The following KCND2 variants were observed in gnomAD, a reference collection of about 807,000 sequenced individuals.
KCND2 encodes potassium voltage-gated channel subfamily D member 2.
In KCND2, 16 loss-of-function variants were observed where a neutral mutation model predicts 54.4. The observed-to-expected ratio is 0.29, with a 90% CI of 0.20 to 0.45. The LOEUF (loss-of-function observed/expected upper bound fraction) is 0.45, where lower values mean the gene tolerates loss of function less well. KCND2 is among the 20% of genes least tolerant of loss of function. The pLI, the probability that KCND2 is intolerant of heterozygous loss-of-function variation, is 1.00. For missense variants in KCND2, 486 were observed against 824.2 expected, an observed-to-expected ratio of 0.59 and a Z score of 5.02; for synonymous variants, 317 against 310.7, an observed-to-expected ratio of 1.02 and a Z score of -0.21.
At chr7:120,684,070 A>G in intron 1 of KCND2, among the ~76,000 whole-genome samples, 1 of 152,076 alleles carries the variant, frequency 6.6e-6, no homozygotes, top group East Asian at 1.9e-4. Flanking sequence ...AAATAGTTGT[A>G]ATAAGAAAAT....
At chr7:120,648,290 A>C (rs977682378) in intron 1 of KCND2, among the ~76,000 whole-genome samples, 1 of 152,196 alleles carries the variant, frequency 6.6e-6, no homozygotes, top group African/African-American at 2.4e-5. Flanking sequence ...GCAGGTCAAA[A>C]AAAGGAGAGA....
chr7:120,390,978 G>A (rs1801067123), intron 1 of KCND2, among the ~76,000 whole-genome samples: 2 of 151,956 alleles, frequency 1.3e-5, no homozygotes, highest in Non-Finnish European at 2.9e-5. Flanking sequence ...GTATATATGT[G>A]CCATGGTGGT....
chr7:120,281,358 A>G (rs1389268025), intron 1 of KCND2, among the ~76,000 whole-genome samples: 2 of 150,338 alleles, frequency 1.3e-5, no homozygotes, highest in African/African-American at 2.5e-5. Context: ...GTACATATGT[A>G]TGTATAAGCA....
At chr7:120,621,236 G>T (rs1187746844) in intron 1 of KCND2, among the ~76,000 whole-genome samples, 4 of 128,140 alleles carry the variant, frequency 3.1e-5, no homozygotes, top group Non-Finnish European at 6.1e-5. Flanking sequence ...TCACGCCACT[G>T]CACTCCATCC....
chr7:120,503,140 A>G (rs1431546697), intron 1 of KCND2, among the ~76,000 whole-genome samples: 1 of 152,040 alleles, frequency 6.6e-6, no homozygotes, highest in Non-Finnish European at 1.5e-5. Context: ...GCCTTTTAGT[A>G]GTTCTTTTGC....
chr7:120,275,879 T>A (rs1053512160), intron 1 of KCND2, 132 bp downstream of exon 1: 8 of 1,018,438 alleles, frequency 7.9e-6, no homozygotes, highest in African/African-American at 3.2e-5. Flanking sequence ...ATTATCTAAA[T>A]GGTTTGGCAA....
At position 120,275,760 on chromosome 7, in the gene KCND2, A is replaced by G; in HGVS notation, c.1115+13A>G. Reference sequence around the variant, plus strand: ...TGACAACACTAGGGTAGGTGCCATAATGGGAAATGGGATGGAGGTTGGGTA... The same window carrying G: ...TGACAACACTAGGGTAGGTGCCATAGTGGGAAATGGGATGGAGGTTGGGTA... On this transcript the variant is annotated intron_variant, in intron 1 of 5. Transcript: ENST00000331113. 1 of 1,599,850 alleles carries G rather than the reference A, an allele frequency of 6.3e-7. No individual in the cohort carries two copies. The highest frequency in any genetic ancestry group is 8.5e-7 in the Non-Finnish European group (1 of 1,179,858).
intron 1 of KCND2, among the ~76,000 whole-genome samples, chr7:120,731,615 C>G (rs1792807715): frequency 6.6e-6 from 1 of 152,258 alleles, no homozygotes; most frequent in South Asian, 2.1e-4. Flanking sequence ...TAGCAGTAGT[C>G]CAATCTCCAT....
chr7:120,741,537 G>T lies in KCND2; in HGVS notation c.1282G>T (p.Ala428Ser), dbSNP rs776511448. ...RADKRRAQKK[A>S]RLARIRAAKS... ...ATGTTTATTTTTTCTCCTATAGAAA[G>T]CTAGACTGGCCAGGATCCGGGCAGC... The change falls in exon 3 of 6, where the codon GCT (alanine) becomes TCT (serine). Residue 428 changes from alanine (A) to serine (S), a missense_variant. Coordinates refer to ENST00000331113, the MANE Select transcript of KCND2 (RefSeq NM_012281.3). 6.2e-7 allele frequency: 1 copy of T among 1,610,500 alleles called. No homozygotes were observed. Among genetic ancestry groups the T allele is most frequent in the Non-Finnish European group, 8.5e-7 (1 of 1,176,948 alleles).
At chr7:120,668,182 A>G (rs914437495) in intron 1 of KCND2, among the ~76,000 whole-genome samples, 2 of 152,050 alleles carry the variant, frequency 1.3e-5, no homozygotes, top group Non-Finnish European at 2.9e-5. Context: ...ATCAAAATGA[A>G]TGGATTTTCT....
intron 1 of KCND2, among the ~76,000 whole-genome samples, chr7:120,443,316 T>G (rs1801968928): frequency 6.6e-6 from 1 of 151,112 alleles, no homozygotes; most frequent in African/African-American, 2.4e-5. Flanking sequence ...ATTTGAAGGT[T>G]TCACTGGATA....
chr7:120,520,053 G>C (rs934991280), intron 1 of KCND2, among the ~76,000 whole-genome samples: 4 of 151,908 alleles, frequency 2.6e-5, no homozygotes, highest in Non-Finnish European at 5.9e-5. Context: ...AATTTGGTGA[G>C]TATACTTTCA....
intron 1 of KCND2, among the ~76,000 whole-genome samples, chr7:120,694,703 T>A (rs1406854553): frequency 1.3e-5 from 2 of 152,148 alleles, no homozygotes; most frequent in African/African-American, 4.8e-5. Flanking sequence ...TGTTTGCCCT[T>A]GTGCTGTACT....
chr7:120,710,272 A>AG (rs1353501233), intron 1 of KCND2, among the ~76,000 whole-genome samples: 1 of 152,220 alleles, frequency 6.6e-6, no homozygotes, highest in East Asian at 1.9e-4. Context: ...TTTGCACACC[A>AG]GGAACAAGGA....
chr7:120,587,635 T>C (rs1383399336), intron 1 of KCND2, among the ~76,000 whole-genome samples: 1 of 152,180 alleles, frequency 6.6e-6, no homozygotes, highest in Admixed American at 6.5e-5. Context: ...ACATTTCTTT[T>C]GTAACATCAG....
intron 1 of KCND2, among the ~76,000 whole-genome samples, chr7:120,466,016 G>C (rs1232848658): frequency 6.6e-6 from 1 of 152,154 alleles, no homozygotes; most frequent in African/African-American, 2.4e-5. Context: ...GACATTTGGA[G>C]ATAATTATTT....
At chr7:120,613,447 C>A (rs1792981910) in intron 1 of KCND2, among the ~76,000 whole-genome samples, 1 of 152,118 alleles carries the variant, frequency 6.6e-6, no homozygotes, top group Non-Finnish European at 1.5e-5. Flanking sequence ...AGGAGAATCA[C>A]CTGAACCCAA....
At chr7:120,681,751 A>C (rs1792142361) in intron 1 of KCND2, among the ~76,000 whole-genome samples, 1 of 152,056 alleles carries the variant, frequency 6.6e-6, no homozygotes, top group African/African-American at 2.4e-5. Context: ...GAATACTATG[A>C]AAAAAACAGT....
intron 1 of KCND2, among the ~76,000 whole-genome samples, chr7:120,319,372 A>C (rs1799859579): frequency 6.6e-6 from 1 of 152,114 alleles, no homozygotes; most frequent in Admixed American, 6.6e-5. Flanking sequence ...AAAATGGGAC[A>C]CATACCTTGC....
Sources: gnomAD v4.1 joint callset for allele counts (sites outside exome capture counted in the v4.1 genomes callset) on GRCh38, gnomAD v4.1.1 for gene constraint, MANE v1.5 for transcripts, NCBI Gene and HGNC (gene_info 2026-07-23, HGNC 2026-07-21) for gene names.